PDS5B: variants seen among roughly 807,000 people sequenced by gnomAD.
PDS5B encodes the protein PDS5 cohesin associated factor B.
In PDS5B, 51 loss-of-function variants were observed where a neutral mutation model predicts 184.1. That is an observed-to-expected ratio of 0.28 (90% confidence interval 0.22 to 0.35). The LOEUF (loss-of-function observed/expected upper bound fraction) is 0.35, where lower values mean the gene tolerates loss of function less well. PDS5B is among the 10% of genes least tolerant of loss of function. The pLI, the probability that PDS5B is intolerant of heterozygous loss-of-function variation, is 1.00. For missense variants in PDS5B, 1,180 were observed against 1,723.3 expected (o/e 0.68, Z 5.58); for synonymous variants, 566 against 569.2 (o/e 0.99, Z 0.08).
chr13:32,731,380 G>T (rs1289324654), intron 19 of PDS5B, among the ~76,000 whole-genome samples: 2 of 152,056 alleles, frequency 1.3e-5, no homozygotes, highest in Non-Finnish European at 2.9e-5. Context: ...CTTCCAGGTG[G>T]CTATATGACT....
chr13:32,703,741 C>G (rs1951927844), intron 17 of PDS5B, among the ~76,000 whole-genome samples: 1 of 152,080 alleles, frequency 6.6e-6, no homozygotes, highest in Non-Finnish European at 1.5e-5. Flanking sequence ...CTGACTCTTC[C>G]CAACAGTGAC....
rs1953533977 is a variant in PDS5B, at chr13:32,741,127, A to G, written c.2454A>G (p.Val818=). 6.4e-7 allele frequency: 1 copy of G among 1,570,276 alleles called. No individual in the cohort carries two copies. The highest frequency in any genetic ancestry group is 8.7e-7 in the Non-Finnish European group (1 of 1,144,160). The stretch of plus-strand genomic sequence containing the variant: ...AACTTTGGGTTCCAGATGAAGAAGT[A>G]TCTCCTGAGACAATGGTCAAAGTGA... ...TTKLWVPDEE[V]SPETMVKIQA... Residue 818 remains valine (V), a synonymous_variant, in exon 22 of 35, where the codon GTA becomes GTG. Coordinates refer to ENST00000315596, the MANE Select transcript of PDS5B (RefSeq NM_015032.4).
intron 7 of PDS5B, among the ~76,000 whole-genome samples, chr13:32,672,929 A>G (rs747476549): frequency 3.7e-4 from 56 of 152,208 alleles, no homozygotes; most frequent in South Asian, 2.1e-4. Context: ...ATATGCACAA[A>G]TAATATAGGA....
At chr13:32,688,669 A>G (rs1431402227) in intron 13 of PDS5B, 100 bp downstream of exon 13, 4 of 769,502 alleles carry the variant, frequency 5.2e-6, no homozygotes, top group East Asian at 2.6e-5. Context: ...AATGTAATCT[A>G]TGTAGTGTAA....
intron 30 of PDS5B, 100 bp downstream of exon 30, chr13:32,760,820 A>C: frequency 8.9e-7 from 1 of 1,118,124 alleles, no homozygotes; most frequent in South Asian, 1.6e-5. Context: ...CAGTAAATGG[A>C]AAGTAATGTA....
chr13:32,596,196 A>G (rs1245903048), intron 1 of PDS5B, among the ~76,000 whole-genome samples: 1 of 152,178 alleles, frequency 6.6e-6, no homozygotes, highest in African/African-American at 2.4e-5. Flanking sequence ...TTACCCCACA[A>G]CGTTTCCTTG....
intron 33 of PDS5B, 90 bp from the exon 34 acceptor site, chr13:32,773,099 G>C: frequency 9.2e-7 from 1 of 1,088,876 alleles, no homozygotes; most frequent in Non-Finnish European, 1.3e-6. Context: ...AAGATGATAT[G>C]ACGATGAAAT....
intron 34 of PDS5B, 41 bp downstream of exon 34, chr13:32,773,365 AAG>A: frequency 2.6e-6 from 4 of 1,543,304 alleles, no homozygotes; most frequent in South Asian, 2.4e-5. Context: ...GGGATATAAA[AAG>A]AGTTAGTAAA....
chr13:32,594,464 C>T (rs1279222223), intron 1 of PDS5B, among the ~76,000 whole-genome samples: 1 of 152,092 alleles, frequency 6.6e-6, no homozygotes, highest in East Asian at 1.9e-4. Context: ...TATAAAAATA[C>T]TTATAAAACA....
chr13:32,690,690 T>C (rs1951524626), intron 13 of PDS5B: 1 of 152,182 alleles, frequency 6.6e-6, no homozygotes, highest in Non-Finnish European at 1.5e-5. Flanking sequence ...ATGATAAGTA[T>C]ATTTGATTGA....
At chr13:32,698,849 G>A (rs559485765) in intron 15 of PDS5B, among the ~76,000 whole-genome samples, 1 of 151,982 alleles carries the variant, frequency 6.6e-6, no homozygotes, top group South Asian at 2.1e-4. Context: ...CGCCTCCCGG[G>A]TTCAAGCAGT....
intron 1 of PDS5B, among the ~76,000 whole-genome samples, chr13:32,632,292 C>T (rs2058469647): frequency 6.6e-6 from 1 of 151,990 alleles, no homozygotes; most frequent in African/African-American, 2.4e-5. Context: ...ATTTAATGTC[C>T]AGAATATATA....
In PDS5B at chr13:32,770,330, A is replaced by C. The variant is rs1375650856; in HGVS notation, c.3834A>C (p.Glu1278Asp). The change falls in exon 32 of 35, where the codon GAA becomes GAC. Residue 1278 changes from glutamate to aspartate, a missense_variant. Physicochemically the swap from Glu to Asp is conservative, Grantham distance 45. Around this residue, in one of 11 missense-constraint regions of PDS5B, gnomAD observed 465 missense variants for 497.8 expected, o/e 0.93. Coordinates refer to ENST00000315596, the MANE Select transcript of PDS5B (RefSeq NM_015032.4). ...KRLKEDILEN[E>D]DEQNSPPKKG... ...TCAAAGAAGATATATTAGAAAATGA[A>C]GATGAACAGAATAGTCCGCCAAAAA... The C allele has an allele frequency of 2.5e-6, 4 of 1,613,894 alleles. No homozygotes were observed. Among genetic ancestry groups the C allele is most frequent in the Non-Finnish European group, 3.4e-6 (4 of 1,180,002 alleles).
chr13:32,599,604 T>G (rs1038542966), intron 1 of PDS5B, among the ~76,000 whole-genome samples: 8 of 151,416 alleles, frequency 5.3e-5, no homozygotes, highest in African/African-American at 1.9e-4. Flanking sequence ...CAAAATTTGG[T>G]ACATTTTAGA....
At chr13:32,674,709 T>C (rs2140767467) in intron 8 of PDS5B, among the ~76,000 whole-genome samples, 1 of 151,830 alleles carries the variant, frequency 6.6e-6, no homozygotes, top group Non-Finnish European at 1.5e-5. Context: ...CAGCGTACAA[T>C]TGAAGCAAAG....
intron 19 of PDS5B, among the ~76,000 whole-genome samples, chr13:32,717,336 T>C: frequency 2.0e-5 from 3 of 150,718 alleles, no homozygotes; most frequent in East Asian, 2.0e-4. Context: ...TTTCATTTTG[T>C]TCTGTACTAA....
chr13:32,623,948 A>G (rs2058337066), intron 1 of PDS5B, among the ~76,000 whole-genome samples: 1 of 152,076 alleles, frequency 6.6e-6, no homozygotes. Flanking sequence ...AGTAGCTGGG[A>G]AGACAGGCGT....
chr13:32,758,544 C>G lies in PDS5B; in HGVS notation c.3200C>G (p.Thr1067Ser), dbSNP rs1260986490. The part of the protein sequence containing the change: ...DDAKMNEKLY[T>S]VCDVAMNIIM... ...AATATACTATTGCAGAAACTGTACA[C>G]TGTGTGTGATGTTGCCATGAATATC... Residue 1067 changes from threonine to serine, a missense_variant, in exon 28 of 35, where the codon ACT becomes AGT. By Grantham distance (58) the Thr-to-Ser change is moderately conservative (BLOSUM62 1). Transcript: ENST00000315596. 2 of 1,611,514 alleles carry G rather than the reference C, an allele frequency of 1.2e-6. No individual in the cohort carries two copies. The highest frequency in any genetic ancestry group is 1.7e-5 in the Admixed American group (1 of 59,948).
intron 34 of PDS5B, among the ~76,000 whole-genome samples, chr13:32,774,704 A>C (rs1954900325): frequency 6.6e-6 from 1 of 152,216 alleles, no homozygotes. Flanking sequence ...AAAGATGATT[A>C]ATCTGTTTGA....
Sources: allele counts gnomAD v4.1 joint callset (sites outside exome capture counted in the v4.1 genomes callset), GRCh38; gene constraint gnomAD v4.1.1; regional missense constraint gnomAD v4.1.1; transcripts MANE v1.5; gene names NCBI Gene and HGNC (gene_info 2026-07-23, HGNC 2026-07-21).